The following ZNF385D variants were observed in gnomAD, a reference collection of about 807,000 sequenced individuals.
ZNF385D encodes the protein zinc finger protein 385D.
Under a neutral mutation model 35.8 loss-of-function variants are expected in ZNF385D, and 15 were observed. The observed-to-expected ratio is 0.42, with a 90% CI of 0.28 to 0.64. ZNF385D has a LOEUF of 0.64. Among genes scored for constraint, ZNF385D ranks in the 30% least tolerant of loss-of-function variants. The pLI is 0.23. For synonymous variants in ZNF385D, 212 were observed against 186.8 expected, an observed-to-expected ratio of 1.13 and a Z score of -1.10; for missense variants, 474 against 494.6, an observed-to-expected ratio of 0.96 and a Z score of 0.39.
intron 4 of ZNF385D, among the ~76,000 whole-genome samples, chr3:21,471,334 CA>C (rs1352939483): frequency 3.8e-4 from 50 of 129,984 alleles, no homozygotes; most frequent in Admixed American, 2.9e-3. Context: ...CACACACACA[CA>C]CCTTGGTGAT....
intron 1 of ZNF385D, among the ~76,000 whole-genome samples, chr3:21,717,157 T>A (rs1229321016): frequency 6.6e-6 from 1 of 152,148 alleles, no homozygotes; most frequent in African/African-American, 2.4e-5. Flanking sequence ...TAGCAAATTC[T>A]CACTGAATAC....
chr3:22,116,846 T>A (rs546295463), intron 3 of ZNF385D, among the ~76,000 whole-genome samples: 1 of 152,090 alleles, frequency 6.6e-6, no homozygotes, highest in South Asian at 2.1e-4. Flanking sequence ...AAGCTCTTTA[T>A]AGAAATTGTC....
intron 2 of ZNF385D, among the ~76,000 whole-genome samples, chr3:22,264,961 G>A (rs948217166): frequency 2.6e-5 from 4 of 151,792 alleles, no homozygotes; most frequent in Non-Finnish European, 5.9e-5. Context: ...AGTTCCTCTT[G>A]CTCCAGACTC....
At chr3:21,863,688 C>T (rs945984386) in intron 3 of ZNF385D, among the ~76,000 whole-genome samples, 2 of 151,962 alleles carry the variant, frequency 1.3e-5, no homozygotes, top group East Asian at 3.9e-4. Flanking sequence ...GATATAATTT[C>T]GAAAAGAACA....
intron 2 of ZNF385D, among the ~76,000 whole-genome samples, chr3:22,203,901 C>G (rs1044127450): frequency 5.9e-5 from 9 of 152,156 alleles, no homozygotes; most frequent in African/African-American, 2.2e-4. Flanking sequence ...TGCCTGGGGC[C>G]CAAGGAAACT....
At chr3:21,645,038 GATA>G (rs1356712580) in intron 2 of ZNF385D, among the ~76,000 whole-genome samples, 2 of 152,140 alleles carry the variant, frequency 1.3e-5, no homozygotes, top group African/African-American at 4.8e-5. Context: ...AGCTAACTTG[GATA>G]ATAAGTGTGC....
intron 4 of ZNF385D, among the ~76,000 whole-genome samples, chr3:21,473,526 G>T (rs1227217990): frequency 6.6e-6 from 1 of 151,924 alleles, no homozygotes. Flanking sequence ...ACTGCAAGTG[G>T]CCCCTTGTTG....
At chr3:22,070,160 T>C (rs1459788541) in intron 3 of ZNF385D, among the ~76,000 whole-genome samples, 2 of 152,182 alleles carry the variant, frequency 1.3e-5, no homozygotes, top group East Asian at 3.8e-4. Flanking sequence ...AAGCATCTTA[T>C]TTTCTAACAA....
chr3:21,527,006 GTTATC>G (rs1367466218), intron 3 of ZNF385D, among the ~76,000 whole-genome samples: 1 of 151,958 alleles, frequency 6.6e-6, no homozygotes, highest in Non-Finnish European at 1.5e-5. Context: ...GCATTAATAA[GTTATC>G]TTAAATACTT....
At chr3:21,908,154 CT>C (rs1310156474) in intron 3 of ZNF385D, among the ~76,000 whole-genome samples, 1 of 150,660 alleles carries the variant, frequency 6.6e-6, no homozygotes, top group Non-Finnish European at 1.5e-5. Context: ...ATCTATCTAT[CT>C]ATCTATCTAT....
intron 3 of ZNF385D, among the ~76,000 whole-genome samples, chr3:21,904,633 G>A (rs1260232567): frequency 6.6e-6 from 1 of 152,046 alleles, no homozygotes; most frequent in African/African-American, 2.4e-5. Context: ...CCCTAATGCA[G>A]AATAACACAA....
intron 3 of ZNF385D, among the ~76,000 whole-genome samples, chr3:21,768,834 C>G (rs1380148943): frequency 2.0e-5 from 3 of 151,874 alleles, no homozygotes; most frequent in African/African-American, 7.3e-5. Context: ...AATAACAAAT[C>G]AGCAACCATT....
intron 3 of ZNF385D, among the ~76,000 whole-genome samples, chr3:22,164,314 T>C (rs1706171905): frequency 6.9e-6 from 1 of 145,392 alleles, no homozygotes; most frequent in Non-Finnish European, 1.5e-5. Flanking sequence ...CTGCAACCTC[T>C]GCCTCCCGGG....
chr3:21,947,317 C>G (rs1376610521), intron 3 of ZNF385D, among the ~76,000 whole-genome samples: 3 of 151,754 alleles, frequency 2.0e-5, no homozygotes, highest in African/African-American at 7.3e-5. Flanking sequence ...AAAGTTATGT[C>G]TTTCAAGGCT....
intron 3 of ZNF385D, among the ~76,000 whole-genome samples, chr3:21,843,897 T>C (rs1695835492): frequency 6.6e-6 from 1 of 151,936 alleles, no homozygotes; most frequent in African/African-American, 2.4e-5. Flanking sequence ...AGCATCTCAT[T>C]TCCTGCTGGG....
chr3:21,973,716 A>G (rs1199067014), intron 3 of ZNF385D, among the ~76,000 whole-genome samples: 1 of 152,104 alleles, frequency 6.6e-6, no homozygotes, highest in African/African-American at 2.4e-5. Flanking sequence ...CTGATAAACA[A>G]ATTCAGTAAA....
rs372386960 is a variant in ZNF385D at position 21,777,427 on chromosome 3, T to C, written c.326-112399A>G. The stretch of plus-strand genomic sequence containing the variant: ...GGAGATGGGCAAAGCATCATGTTCA[T>C]GGGTTATCTCAGCACCAACTTAGTT... On this transcript the variant is annotated intron_variant, in intron 3 of 5. Coordinates refer to the ZNF385D transcript ENST00000494108. Among the ~76,000 whole-genome samples, 35 of 152,058 alleles carry C rather than the reference T, an allele frequency of 2.3e-4. No homozygotes were observed. The East Asian group carries it at 5.4e-3, about 24-fold the overall frequency.
chr3:22,369,575 G>A lies in ZNF385D; in HGVS notation c.106+2875C>T, dbSNP rs933264303. The stretch of plus-strand genomic sequence containing the variant: ...ATACAATGAAACATAGTAAATTATC[G>A]TTAATTTCCCCAAGATTTTCTATTT... On this transcript the variant is annotated intron_variant, in intron 2 of 5. Transcript: ENST00000494108. Among the ~76,000 whole-genome samples the A allele has an allele frequency of 4.6e-5, 7 of 152,158 alleles. No homozygotes were observed. The East Asian group carries it at 5.8e-4, about 13-fold the overall frequency.
intron 3 of ZNF385D, among the ~76,000 whole-genome samples, chr3:21,985,837 A>G (rs1031275377): frequency 1.7e-5 from 2 of 118,592 alleles, no homozygotes; most frequent in Admixed American, 8.2e-5. Flanking sequence ...TATTGCCACA[A>G]TTTCAGCTCC....
Sources: gnomAD v4.1 joint callset for allele counts (sites outside exome capture counted in the v4.1 genomes callset) on GRCh38, gnomAD v4.1.1 for gene constraint, MANE v1.5 for transcripts, NCBI Gene and HGNC (gene_info 2026-07-23, HGNC 2026-07-21) for gene names.